The following GABRB2 variants were observed in gnomAD, a reference collection of about 807,000 sequenced individuals.
The protein encoded by GABRB2 is gamma-aminobutyric acid type A receptor subunit beta2, also known as gamma-aminobutyric acid receptor subunit beta-2.
Under a neutral mutation model 54.7 loss-of-function variants are expected in GABRB2, and 16 were observed. The observed-to-expected ratio is 0.29, with a 90% CI of 0.20 to 0.44. GABRB2 has a LOEUF of 0.44. Ranked by LOEUF, GABRB2 falls within the 20% of genes least tolerant of loss-of-function variation. The probability of loss-of-function intolerance (pLI) is 1.00; values close to 1 mark genes in which losing one functional copy is unlikely to be tolerated. For synonymous variants in GABRB2, 244 were observed against 233.8 expected (o/e 1.04, Z -0.40); for missense variants, 355 against 644.0 (o/e 0.55, Z 4.86).
chr5:161,310,866 C>T (rs1195809315), intron 9 of GABRB2, among the ~76,000 whole-genome samples: 2 of 151,884 alleles, frequency 1.3e-5, no homozygotes, highest in African/African-American at 4.8e-5. Context: ...AAGTTCACGC[C>T]GTTCTCCTGC....
intron 4 of GABRB2, among the ~76,000 whole-genome samples, chr5:161,445,862 C>T (rs947261269): frequency 6.6e-6 from 1 of 152,140 alleles, no homozygotes; most frequent in Non-Finnish European, 1.5e-5. Context: ...AGTGTCTTGA[C>T]CACCTTGGGC....
At chr5:161,476,145 G>A (rs1004333586) in intron 3 of GABRB2, among the ~76,000 whole-genome samples, 4 of 151,754 alleles carry the variant, frequency 2.6e-5, no homozygotes, top group African/African-American at 7.3e-5. Flanking sequence ...ATAAACTAAC[G>A]ATGAGAAATA....
intron 3 of GABRB2, among the ~76,000 whole-genome samples, chr5:161,515,426 C>T (rs1759908069): frequency 1.3e-5 from 2 of 151,922 alleles, no homozygotes; most frequent in Admixed American, 1.3e-4. Context: ...TTATTGCCTA[C>T]AACTGTAGCT....
chr5:161,297,441 C>T (rs1267447472), intron 9 of GABRB2, among the ~76,000 whole-genome samples: 1 of 152,088 alleles, frequency 6.6e-6, no homozygotes, highest in African/African-American at 2.4e-5. Flanking sequence ...TAGTCCCCCA[C>T]CCCCTGACAG....
At chr5:161,494,068 A>T (rs1336853747) in intron 3 of GABRB2, among the ~76,000 whole-genome samples, 1 of 151,812 alleles carries the variant, frequency 6.6e-6, no homozygotes, top group African/African-American at 2.4e-5. Flanking sequence ...ATCCTATTTA[A>T]TATGGTACAT....
chr5:161,413,463 A>T (rs1395860864), intron 4 of GABRB2, among the ~76,000 whole-genome samples: 2 of 152,168 alleles, frequency 1.3e-5, no homozygotes, highest in Non-Finnish European at 2.9e-5. Context: ...TAAAAGTTAC[A>T]TTCGCATTTT....
At chr5:161,397,033 C>T (rs904261041) in intron 5 of GABRB2, among the ~76,000 whole-genome samples, 8 of 152,138 alleles carry the variant, frequency 5.3e-5, no homozygotes, top group African/African-American at 1.4e-4. Context: ...GTAGCTATTG[C>T]TCATCTTACA....
At chr5:161,374,870 T>G (rs1755243013) in intron 5 of GABRB2, among the ~76,000 whole-genome samples, 1 of 152,174 alleles carries the variant, frequency 6.6e-6, no homozygotes, top group Non-Finnish European at 1.5e-5. Flanking sequence ...GCCCAATAAT[T>G]TTTTTAATTG....
At chr5:161,443,829 C>T (rs757064156) in intron 4 of GABRB2, among the ~76,000 whole-genome samples, 6 of 152,058 alleles carry the variant, frequency 3.9e-5, no homozygotes, top group Admixed American at 1.3e-4. Context: ...GGGTAATGAC[C>T]AATGAGTAGA....
At chr5:161,421,960 C>T (rs1380339196) in intron 4 of GABRB2, among the ~76,000 whole-genome samples, 3 of 152,182 alleles carry the variant, frequency 2.0e-5, no homozygotes, top group South Asian at 4.1e-4. Context: ...AGAAATAAAA[C>T]TTAAGCCATG....
At chr5:161,479,438 T>C (rs1182384355) in intron 3 of GABRB2, among the ~76,000 whole-genome samples, 8 of 152,086 alleles carry the variant, frequency 5.3e-5, no homozygotes, top group African/African-American at 1.4e-4. Context: ...GCGTGATATA[T>C]AGACATGAAT....
intron 5 of GABRB2, among the ~76,000 whole-genome samples, chr5:161,380,686 G>A (rs1488326657): frequency 6.6e-6 from 1 of 152,098 alleles, no homozygotes. Flanking sequence ...CCAGAGCTGA[G>A]TTCAATCAAG....
intron 9 of GABRB2, among the ~76,000 whole-genome samples, chr5:161,322,039 T>C (rs1440676632): frequency 6.6e-6 from 1 of 152,194 alleles, no homozygotes; most frequent in Non-Finnish European, 1.5e-5. Flanking sequence ...CAGTTAAATA[T>C]GTAGCTTCTG....
At chr5:161,388,788 T>G (rs898048674) in intron 5 of GABRB2, among the ~76,000 whole-genome samples, 2 of 151,986 alleles carry the variant, frequency 1.3e-5, no homozygotes, top group African/African-American at 4.8e-5. Context: ...CCTCATATTC[T>G]AATTTGTCTT....
intron 5 of GABRB2, among the ~76,000 whole-genome samples, chr5:161,398,013 TGATAGATAGATA>T (rs67936445): frequency 2.0e-5 from 3 of 150,962 alleles, no homozygotes; most frequent in East Asian, 2.0e-4. Context: ...GGTAGATAGA[TGATAGATAGATA>T]GATAGATAGA....
At chr5:161,378,644 A>G (rs1286357866) in intron 5 of GABRB2, among the ~76,000 whole-genome samples, 2 of 152,184 alleles carry the variant, frequency 1.3e-5, no homozygotes, top group Non-Finnish European at 1.5e-5. Context: ...AATTTCTAAG[A>G]GTAGATAAAG....
chr5:161,405,929 CT>C (rs1192694028), intron 5 of GABRB2, among the ~76,000 whole-genome samples: 1 of 151,970 alleles, frequency 6.6e-6, no homozygotes, highest in Non-Finnish European at 1.5e-5. Flanking sequence ...AACATGTTGC[CT>C]TTATATAATG....
chr5:161,419,197 CAT>C (rs562836940), intron 4 of GABRB2, among the ~76,000 whole-genome samples: 47 of 152,198 alleles, frequency 3.1e-4, no homozygotes, highest in African/African-American at 1.1e-3. Context: ...GGTCCACAAA[CAT>C]ATGAAAAAAT....
At position 161,521,489 on chromosome 5, in the gene GABRB2, G is replaced by T. The variant is rs558115923; in HGVS notation, c.237+23738C>A. On this transcript the variant is annotated intron_variant, in intron 3 of 9. Coordinates refer to ENST00000393959, the MANE Select transcript of GABRB2 (RefSeq NM_001371727.1). ...AAGAAGGAAGGAGAGCAGTAGGAAA[G>T]GAAGTAATGAAGAAAGGAAAGGATG... Among the ~76,000 whole-genome samples the T allele has an allele frequency of 6.6e-5, 10 of 151,946 alleles. No individual in the cohort carries two copies. The South Asian group carries it at 2.1e-3, about 32-fold the overall frequency.
Sources: gnomAD v4.1 joint callset for allele counts (sites outside exome capture counted in the v4.1 genomes callset) on GRCh38, gnomAD v4.1.1 for gene constraint, MANE v1.5 for transcripts, NCBI Gene and HGNC (gene_info 2026-07-23, HGNC 2026-07-21) for gene names.